The following LRRTM4 variants were observed in gnomAD, a reference collection of about 807,000 sequenced individuals.
The protein encoded by LRRTM4 is leucine rich repeat transmembrane neuronal 4, also known as leucine-rich repeat transmembrane neuronal protein 4.
Under a neutral mutation model 47.6 loss-of-function variants are expected in LRRTM4, and 25 were observed. The observed-to-expected ratio is 0.53, with a 90% CI of 0.38 to 0.73. The LOEUF is 0.73. Among genes scored for constraint, LRRTM4 ranks in the 30% least tolerant of loss-of-function variants. The pLI, the probability that LRRTM4 is intolerant of heterozygous loss-of-function variation, is 0.00. For missense variants in LRRTM4, 638 were observed against 713.4 expected, an observed-to-expected ratio of 0.89 and a Z score of 1.20; for synonymous variants, 311 against 269.5, an observed-to-expected ratio of 1.15 and a Z score of -1.51.
At chr2:76,878,728 A>G (rs1220395529) in intron 3 of LRRTM4, among the ~76,000 whole-genome samples, 2 of 151,840 alleles carry the variant, frequency 1.3e-5, no homozygotes, top group African/African-American at 2.4e-5. Context: ...ACAAAATTTA[A>G]CCAGGCATGG....
intron 3 of LRRTM4, among the ~76,000 whole-genome samples, chr2:77,019,253 C>CAAAAAAA (rs56028060): frequency 2.6e-4 from 21 of 80,480 alleles, no homozygotes; most frequent in African/African-American, 6.9e-4. Flanking sequence ...CACTGCTCTA[C>CAAAAAAA]AAAAAAAAAA....
At chr2:77,118,839 G>C (rs771352188) in intron 3 of LRRTM4, among the ~76,000 whole-genome samples, 6 of 151,726 alleles carry the variant, frequency 4.0e-5, no homozygotes, top group Non-Finnish European at 8.9e-5. Flanking sequence ...AAGATCAAGT[G>C]AAAAAATCTT....
intron 3 of LRRTM4, among the ~76,000 whole-genome samples, chr2:77,326,801 C>A (rs1003364010): frequency 1.3e-5 from 2 of 152,148 alleles, no homozygotes; most frequent in Non-Finnish European, 1.5e-5. Flanking sequence ...AATGGAAAGA[C>A]AACGTGTTAT....
At chr2:77,184,083 T>C (rs1372155778) in intron 3 of LRRTM4, among the ~76,000 whole-genome samples, 1 of 151,314 alleles carries the variant, frequency 6.6e-6, no homozygotes, top group East Asian at 1.9e-4. Flanking sequence ...AAAAGTATAA[T>C]ACAAAAAGAT....
rs566698189 is a variant in LRRTM4, at chr2:77,165,639, G to T, written c.1551+352679C>A. On this transcript the variant is annotated intron_variant, in intron 3 of 3. Transcript: ENST00000409884. ...ATCAAGTGGGCTTCATCCCTGGGAT[G>T]CAAGGCTGGTTGAACATATGCAAAT... Among the ~76,000 whole-genome samples, 3 of 152,316 alleles carry T rather than the reference G, an allele frequency of 2.0e-5. No homozygotes were observed. In the East Asian group the frequency reaches 5.8e-4, roughly 29 times the overall value.
intron 3 of LRRTM4, among the ~76,000 whole-genome samples, chr2:77,442,698 T>C (rs1675892605): frequency 6.6e-6 from 1 of 152,210 alleles, no homozygotes; most frequent in African/African-American, 2.4e-5. Flanking sequence ...TTTCAGGTCC[T>C]ATGAGAAACA....
At chr2:77,329,250 T>C (rs928248033) in intron 3 of LRRTM4, among the ~76,000 whole-genome samples, 9 of 152,200 alleles carry the variant, frequency 5.9e-5, no homozygotes, top group African/African-American at 2.2e-4. Context: ...AAATTGTACC[T>C]TTACCTTCTG....
intron 3 of LRRTM4, among the ~76,000 whole-genome samples, chr2:77,325,482 A>G (rs1670727003): frequency 6.6e-6 from 1 of 152,184 alleles, no homozygotes; most frequent in South Asian, 2.1e-4. Context: ...AAATAAAATT[A>G]GAGTGTATTG....
At chr2:77,447,666 CT>C (rs999768205) in intron 3 of LRRTM4, among the ~76,000 whole-genome samples, 10 of 152,052 alleles carry the variant, frequency 6.6e-5, no homozygotes, top group Admixed American at 3.3e-4. Flanking sequence ...AACTGTTAGA[CT>C]TTTTTTTGAT....
chr2:77,120,858 C>T (rs184777147), intron 3 of LRRTM4, among the ~76,000 whole-genome samples: 47 of 151,954 alleles, frequency 3.1e-4, no homozygotes, highest in South Asian at 6.2e-4. Flanking sequence ...TTTCTACCAA[C>T]ATTTCTTGTT....
chr2:76,968,802 G>A (rs1377888366), intron 3 of LRRTM4, among the ~76,000 whole-genome samples: 2 of 151,714 alleles, frequency 1.3e-5, no homozygotes, highest in African/African-American at 2.4e-5. Context: ...AAGACTTCTC[G>A]TGTTCAGCAA....
At chr2:77,194,335 T>C (rs1482448656) in intron 3 of LRRTM4, among the ~76,000 whole-genome samples, 1 of 152,146 alleles carries the variant, frequency 6.6e-6, no homozygotes, top group Middle Eastern at 3.2e-3. Context: ...CCTTTTTAAT[T>C]GGTGTATCAG....
intron 3 of LRRTM4, among the ~76,000 whole-genome samples, chr2:77,175,125 A>C (rs1673158213): frequency 6.8e-6 from 1 of 147,898 alleles, no homozygotes; most frequent in East Asian, 2.0e-4. Context: ...GCTGGAGTAC[A>C]GTGACCCTAT....
rs139110583 is a variant in LRRTM4, at chr2:77,443,796, A to G, written c.1551+74522T>C. Reference sequence around the variant, plus strand: ...TAACATTGACAGTTGATATGAAATTATTGATTGATTAGTTTCTAAGTTAAA... The same window carrying G: ...TAACATTGACAGTTGATATGAAATTGTTGATTGATTAGTTTCTAAGTTAAA... On this transcript the variant is annotated intron_variant, in intron 3 of 3. Coordinates refer to ENST00000409884, the MANE Select transcript of LRRTM4 (RefSeq NM_001134745.3). Among the ~76,000 whole-genome samples, 3 of 152,292 alleles carry G rather than the reference A, an allele frequency of 2.0e-5. No homozygotes were observed. The East Asian group carries it at 5.8e-4, about 29-fold the overall frequency.
At chr2:77,211,164 T>C (rs1355914777) in intron 3 of LRRTM4, among the ~76,000 whole-genome samples, 2 of 152,128 alleles carry the variant, frequency 1.3e-5, no homozygotes, top group African/African-American at 4.8e-5. Flanking sequence ...AATGAAATTA[T>C]AAGCAACTAT....
chr2:76,902,573 G>T (rs1343385576), intron 3 of LRRTM4, among the ~76,000 whole-genome samples: 3 of 152,300 alleles, frequency 2.0e-5, no homozygotes, highest in Admixed American at 6.5e-5. Flanking sequence ...CTAGAAGATG[G>T]TAGCCAGAAA....
At chr2:76,963,369 A>G (rs1194502564) in intron 3 of LRRTM4, among the ~76,000 whole-genome samples, 2 of 150,864 alleles carry the variant, frequency 1.3e-5, no homozygotes, top group African/African-American at 2.4e-5. Flanking sequence ...ATCTCCTTAG[A>G]AAAAAGTAAA....
chr2:77,268,750 C>T (rs1206039542), intron 3 of LRRTM4, among the ~76,000 whole-genome samples: 1 of 152,162 alleles, frequency 6.6e-6, no homozygotes, highest in Non-Finnish European at 1.5e-5. Context: ...CCCTACCTTT[C>T]TGTATTCTGA....
Position 77,355,461 on chromosome 2 carries a change from T to A in LRRTM4, c.1551+162857A>T, listed in dbSNP as rs562830393. 9.2e-5 allele frequency among the ~76,000 whole-genome samples: 14 copies of A among 152,292 alleles called. No homozygotes were observed. In the East Asian group the frequency reaches 2.7e-3, roughly 29 times the overall value. ...AAAGTTATTTCCTATGCCAAAATGATTCATTCTTACTAATCACCGGTTGTT... is the reference window on the plus strand; with the variant it reads ...AAAGTTATTTCCTATGCCAAAATGAATCATTCTTACTAATCACCGGTTGTT... On this transcript the variant is annotated intron_variant, in intron 3 of 3. Coordinates refer to ENST00000409884, the MANE Select transcript of LRRTM4 (RefSeq NM_001134745.3).
Sources: gnomAD v4.1 joint callset for allele counts (sites outside exome capture counted in the v4.1 genomes callset) on GRCh38, gnomAD v4.1.1 for gene constraint, MANE v1.5 for transcripts, NCBI Gene and HGNC (gene_info 2026-07-23, HGNC 2026-07-21) for gene names.